ATAD5: variants seen among roughly 807,000 people sequenced by gnomAD.
The protein encoded by ATAD5 is ATPase family AAA domain containing 5.
Under a neutral mutation model 176.9 loss-of-function variants are expected in ATAD5, and 58 were observed. The observed-to-expected ratio is 0.33, with a 90% CI of 0.27 to 0.41. The LOEUF is 0.41. Ranked by LOEUF, ATAD5 falls within the 10% of genes least tolerant of loss-of-function variation. The probability of loss-of-function intolerance (pLI) is 1.00; values close to 1 mark genes in which losing one functional copy is unlikely to be tolerated. For synonymous variants in ATAD5, 640 were observed against 712.6 expected, an observed-to-expected ratio of 0.90 and a Z score of 1.62; for missense variants, 1,789 against 2,094.1, an observed-to-expected ratio of 0.85 and a Z score of 2.84.
At chr17:30,878,634 T>C (rs1908803560) in intron 17 of ATAD5, among the ~76,000 whole-genome samples, 1 of 151,466 alleles carries the variant, frequency 6.6e-6, no homozygotes, top group South Asian at 2.1e-4. Flanking sequence ...GAGGCTAGTC[T>C]CTACTTACAA....
At chr17:30,862,099 C>G (rs1907670813) in intron 10 of ATAD5, among the ~76,000 whole-genome samples, 1 of 150,612 alleles carries the variant, frequency 6.6e-6, no homozygotes. Context: ...CTTTGGGAGG[C>G]CGAGGTGGGT....
chr17:30,877,636 A>G, intron 16 of ATAD5, 87 bp downstream of exon 16: 1 of 1,380,640 alleles, frequency 7.2e-7, no homozygotes, highest in Non-Finnish European at 1.0e-6. Context: ...AAAGAATTGT[A>G]AAATAGCTAA....
At chr17:30,854,376 T>A (rs1377832053) in intron 6 of ATAD5, among the ~76,000 whole-genome samples, 1 of 109,284 alleles carries the variant, frequency 9.2e-6, no homozygotes, top group South Asian at 4.0e-4. Context: ...TAAATTTTTT[T>A]TTTTTTTTTT....
At chr17:30,843,530 A>G (rs1906264880) in intron 4 of ATAD5, among the ~76,000 whole-genome samples, 1 of 151,820 alleles carries the variant, frequency 6.6e-6, no homozygotes, top group Admixed American at 6.6e-5. Flanking sequence ...CGCACCTCCA[A>G]TCCCAGCTAC....
rs1300005104 is a variant in ATAD5, at chr17:30,894,610, C to T, written c.5344C>T (p.Arg1782Ter). The change falls in exon 22 of 23, where the codon CGA (arginine) becomes TGA (stop). Residue 1782 changes from arginine (R) to a stop codon, truncating the protein, a stop_gained. Coordinates refer to ENST00000321990, the MANE Select transcript of ATAD5 (RefSeq NM_024857.5). LOFTEE classifies it high-confidence loss of function. ...AGTCATTAAAAGTGTATTTTCGAGT[C>T]GATCTCTTCTCTATGTGGGTAATAG... Reference protein sequence around the residue: ...ISVIKSVFSSRSLLYVGNRQA... With the variant: ...ISVIKSVFSS 6.2e-7 allele frequency: 1 copy of T among 1,612,632 alleles called. No individual in the cohort carries two copies. Among genetic ancestry groups the T allele is most frequent in the Non-Finnish European group, 8.5e-7 (1 of 1,179,452 alleles).
rs114289357 is a variant in ATAD5 at position 30,834,378 on chromosome 17, G to A, written c.297G>A (p.Thr99=). The change falls in exon 2 of 23, where the codon ACG becomes ACA. Residue 99 remains threonine (T), a synonymous_variant. Coordinates refer to ENST00000321990, the MANE Select transcript of ATAD5 (RefSeq NM_024857.5). ...CTGTTGACAGCAACAAAGACTGTAC[G>A]ACACCTTTGGAAATGTTCTCAAATG... ...SVPVDSNKDC[T]TPLEMFSNVE... 2.1e-4 allele frequency: 334 copies of A among 1,606,150 alleles called. No individual in the cohort carries two copies. The African/African-American group carries it at 3.4e-3, about 16-fold the overall frequency.
Position 30,865,568 on chromosome 17 carries a change from A to C in ATAD5, c.3137-136A>C, listed in dbSNP as rs1294555439. On this transcript the variant is annotated intron_variant, in intron 10 of 22. Coordinates refer to ENST00000321990, the MANE Select transcript of ATAD5 (RefSeq NM_024857.5). The stretch of plus-strand genomic sequence containing the variant: ...TTAAATGTAATGTTGTTTTAAAAGT[A>C]CCTCTGGCATTTTGTAAATATAAAT... The C allele has an allele frequency of 6.0e-6, 3 of 500,796 alleles. No homozygotes were observed. The East Asian group carries it at 1.0e-4, about 17-fold the overall frequency. 31.0% of individuals were successfully genotyped at this position (500,796 alleles called of 1,614,324 possible). A position where few individuals can be genotyped will look rare whatever the true frequency, so the allele number is the denominator to read the frequency against.
chr17:30,879,283 G>A, intron 17 of ATAD5, 140 bp from the exon 18 acceptor site: 1 of 878,882 alleles, frequency 1.1e-6, no homozygotes, highest in Non-Finnish European at 1.7e-6. Flanking sequence ...GCTGCAGTGA[G>A]CTATGACTGC....
At chr17:30,846,721 CT>C (rs34774584) in intron 6 of ATAD5, among the ~76,000 whole-genome samples, 2,814 of 129,194 alleles carry the variant, frequency 0.022, 23 homozygotes, top group African/African-American at 0.023. Context: ...ATTTTTCTCT[CT>C]TTTTTTTTTT....
At chr17:30,851,748 A>C (rs1467695683) in intron 6 of ATAD5, among the ~76,000 whole-genome samples, 2 of 151,984 alleles carry the variant, frequency 1.3e-5, no homozygotes, top group African/African-American at 4.8e-5. Flanking sequence ...ACACCTGGCT[A>C]ATTTTTGTAC....
intron 6 of ATAD5, among the ~76,000 whole-genome samples, chr17:30,850,833 T>TTATATATA (rs1312470807): frequency 0.025 from 693 of 27,556 alleles, 8 homozygotes; most frequent in South Asian, 0.028. Flanking sequence ...TTATATATTT[T>TTATATATA]TATATATATA....
At chr17:30,878,734 T>TTTTTTTTTG (rs1908831084) in intron 17 of ATAD5, among the ~76,000 whole-genome samples, 1 of 128,782 alleles carries the variant, frequency 7.8e-6, no homozygotes, top group African/African-American at 3.0e-5. Context: ...TTTTTTTTTT[T>TTTTTTTTTG]TTTTTTTTTT....
chr17:30,876,120 G>A (rs899940060), intron 14 of ATAD5, among the ~76,000 whole-genome samples: 1 of 151,656 alleles, frequency 6.6e-6, no homozygotes, highest in Admixed American at 6.6e-5. Context: ...CTGGGCGACG[G>A]AGCGAGACCC....
At chr17:30,888,500 C>T (rs945732636) in intron 19 of ATAD5, among the ~76,000 whole-genome samples, 2 of 151,806 alleles carry the variant, frequency 1.3e-5, no homozygotes, top group Admixed American at 6.6e-5. Context: ...GCCAAGATCA[C>T]GCCACTGCAC....
chr17:30,841,437 C>T (rs576612908), intron 4 of ATAD5, among the ~76,000 whole-genome samples: 6 of 152,278 alleles, frequency 3.9e-5, no homozygotes, highest in Non-Finnish European at 5.9e-5. Context: ...CCTACTTAAA[C>T]TTTGAGATCC....
chr17:30,860,568 G>T lies in ATAD5; in HGVS notation c.3092G>T (p.Ser1031Ile). 6 of 1,584,472 alleles carry T rather than the reference G, an allele frequency of 3.8e-6. No individual in the cohort carries two copies. Among genetic ancestry groups the T allele is most frequent in the Non-Finnish European group, 5.1e-6 (6 of 1,173,270 alleles). ...ACCAATAGGAAGTCAGAAGAACTTA[G>T]CAAAAGAAACAACTCTTCTGGGATA... The part of the protein sequence containing the change: ...EKTNRKSEEL[S>I]KRNNSSGIKL... The change falls in exon 10 of 23, where the codon AGC (serine) becomes ATC (isoleucine). Residue 1031 changes from serine to isoleucine, a missense_variant. By Grantham distance (142) the Ser-to-Ile change is moderately radical. This residue lies in a region of ATAD5 where 487 missense variants were observed against 573.6 expected (regional missense o/e 0.85). Coordinates refer to ENST00000321990, the MANE Select transcript of ATAD5 (RefSeq NM_024857.5).
At chr17:30,857,405 G>A (rs1415241934) in intron 8 of ATAD5, among the ~76,000 whole-genome samples, 2 of 151,876 alleles carry the variant, frequency 1.3e-5, no homozygotes, top group African/African-American at 2.4e-5. Flanking sequence ...TAGTAGAGAC[G>A]GAATTTCTCC....
At chr17:30,842,644 A>G (rs1240242604) in intron 4 of ATAD5, among the ~76,000 whole-genome samples, 3 of 152,182 alleles carry the variant, frequency 2.0e-5, no homozygotes, top group Non-Finnish European at 4.4e-5. Flanking sequence ...CAGGGCTATA[A>G]CCAGACTTTT....
intron 17 of ATAD5, 79 bp from the exon 18 acceptor site, chr17:30,879,344 A>T: frequency 7.9e-6 from 12 of 1,512,396 alleles, no homozygotes; most frequent in Non-Finnish European, 1.1e-5. Flanking sequence ...ATTTTCATAG[A>T]AAAGTATAAC....
Sources: gnomAD v4.1 joint callset for allele counts (sites outside exome capture counted in the v4.1 genomes callset) on GRCh38, gnomAD v4.1.1 for gene constraint, gnomAD v4.1.1 regional missense constraint, MANE v1.5 for transcripts, NCBI Gene and HGNC (gene_info 2026-07-23, HGNC 2026-07-21) for gene names.